PIP5K1B: variants seen among roughly 807,000 people sequenced by gnomAD.
The protein encoded by PIP5K1B is phosphatidylinositol 4-phosphate 5-kinase type-1 beta.
In PIP5K1B, 42 loss-of-function variants were observed where a neutral mutation model predicts 67.0. The observed-to-expected ratio is 0.63, with a 90% CI of 0.49 to 0.81. The LOEUF (loss-of-function observed/expected upper bound fraction) is 0.81, where lower values mean the gene tolerates loss of function less well. Ranked by LOEUF, PIP5K1B falls within the 30% of genes least tolerant of loss-of-function variation. The pLI, the probability that PIP5K1B is intolerant of heterozygous loss-of-function variation, is 0.00. For synonymous variants in PIP5K1B, 214 were observed against 231.4 expected (o/e 0.92, Z 0.68); for missense variants, 459 against 646.3 (o/e 0.71, Z 3.14).
chr9:68,758,764 C>G (rs973112277), intron 2 of PIP5K1B, among the ~76,000 whole-genome samples: 2 of 152,056 alleles, frequency 1.3e-5, no homozygotes, highest in African/African-American at 4.8e-5. Context: ...ATTCAAGAAG[C>G]TCATAAAACC....
chr9:68,770,542 G>A (rs376914420), intron 2 of PIP5K1B, among the ~76,000 whole-genome samples: 185 of 152,250 alleles, frequency 1.2e-3, no homozygotes, highest in African/African-American at 3.9e-3. Flanking sequence ...ACCAGTCTGC[G>A]GCCTGTAAGG....
At chr9:68,922,523 A>T (rs1375515743) in intron 11 of PIP5K1B, among the ~76,000 whole-genome samples, 17 of 152,204 alleles carry the variant, frequency 1.1e-4, no homozygotes, top group Non-Finnish European at 2.5e-4. Flanking sequence ...GCATTATAGA[A>T]GCAAATTTAC....
intron 2 of PIP5K1B, chr9:68,782,105 A>G (rs951591004): frequency 6.0e-6 from 1 of 167,098 alleles, no homozygotes; most frequent in African/African-American, 2.4e-5. Flanking sequence ...TTCCTTGCCA[A>G]CAGGTCCCTT....
At chr9:68,730,113 ATGT>A (rs1490510800) in intron 1 of PIP5K1B, among the ~76,000 whole-genome samples, 2 of 152,194 alleles carry the variant, frequency 1.3e-5, no homozygotes, top group African/African-American at 2.4e-5. Context: ...AAGAGACATA[ATGT>A]TGTGAAAGAC....
intron 2 of PIP5K1B, among the ~76,000 whole-genome samples, chr9:68,816,197 C>T (rs1014189919): frequency 3.9e-5 from 6 of 152,152 alleles, no homozygotes; most frequent in Admixed American, 2.6e-4. Context: ...GGCCCGATCT[C>T]GGCTCACTAC....
At chr9:68,984,159 T>G (rs997225324) in intron 14 of PIP5K1B, among the ~76,000 whole-genome samples, 1 of 152,244 alleles carries the variant, frequency 6.6e-6, no homozygotes, top group African/African-American at 2.4e-5. Flanking sequence ...ATTTTACATA[T>G]GGGAAACTGG....
At chr9:68,707,081 T>C (rs1361325581) in intron 1 of PIP5K1B, among the ~76,000 whole-genome samples, 2 of 151,734 alleles carry the variant, frequency 1.3e-5, no homozygotes, top group Non-Finnish European at 2.9e-5. Flanking sequence ...CAGTGGGAGG[T>C]TGAGTGAGTT....
intron 1 of PIP5K1B, among the ~76,000 whole-genome samples, chr9:68,731,569 CAAA>C (rs1376984168): frequency 6.6e-6 from 1 of 152,120 alleles, no homozygotes; most frequent in Non-Finnish European, 1.5e-5. Context: ...GAGGCAATCG[CAAA>C]AACAAATGTG....
chr9:68,706,833 G>C (rs1427918806), intron 1 of PIP5K1B, among the ~76,000 whole-genome samples: 2 of 151,908 alleles, frequency 1.3e-5, no homozygotes, highest in Non-Finnish European at 2.9e-5. Context: ...CTCTAATGAA[G>C]CACATTCAGC....
chr9:68,873,214 A>G (rs1385416168), intron 5 of PIP5K1B, among the ~76,000 whole-genome samples: 1 of 149,500 alleles, frequency 6.7e-6, no homozygotes, highest in Admixed American at 6.6e-5. Flanking sequence ...TGTTTGAGTC[A>G]TATCTTTTCA....
At chr9:68,817,572 G>T (rs1264839792) in intron 2 of PIP5K1B, among the ~76,000 whole-genome samples, 2 of 151,374 alleles carry the variant, frequency 1.3e-5, no homozygotes, top group Non-Finnish European at 2.9e-5. Context: ...TAGATATATA[G>T]ATTTTTAAAA....
At chr9:68,897,722 T>G (rs943389966) in intron 8 of PIP5K1B, among the ~76,000 whole-genome samples, 1 of 152,128 alleles carries the variant, frequency 6.6e-6, no homozygotes, top group African/African-American at 2.4e-5. Flanking sequence ...TCCCAGACCT[T>G]TGGACCCCAG....
chr9:68,914,062 A>G (rs1174928213), intron 8 of PIP5K1B, among the ~76,000 whole-genome samples: 3 of 152,348 alleles, frequency 2.0e-5, no homozygotes, highest in Admixed American at 1.3e-4. Context: ...CAGGAAAAAT[A>G]TAAGAAAAAG....
chr9:68,780,251 C>G, intron 2 of PIP5K1B: 2 of 1,543,142 alleles, frequency 1.3e-6, no homozygotes, highest in Non-Finnish European at 8.7e-7. Flanking sequence ...GCGGCGGCGG[C>G]GGGGGCCTCA....
At chr9:68,792,580 G>A (rs1832041302) in intron 2 of PIP5K1B, among the ~76,000 whole-genome samples, 1 of 152,030 alleles carries the variant, frequency 6.6e-6, no homozygotes, top group South Asian at 2.1e-4. Flanking sequence ...TCCAGGTTCA[G>A]CCATTCTCCT....
chr9:68,709,575 A>G (rs1207794110), intron 1 of PIP5K1B, among the ~76,000 whole-genome samples: 1 of 152,172 alleles, frequency 6.6e-6, no homozygotes, highest in Non-Finnish European at 1.5e-5. Flanking sequence ...CTTCTGGCTT[A>G]TGTGCATCAC....
At chr9:68,751,806 C>T (rs1418197514) in intron 2 of PIP5K1B, among the ~76,000 whole-genome samples, 7 of 152,134 alleles carry the variant, frequency 4.6e-5, no homozygotes. Flanking sequence ...AGTTTGGGAA[C>T]TGGTAGAAGT....
At chr9:68,844,074 T>C (rs565251810) in intron 4 of PIP5K1B, among the ~76,000 whole-genome samples, 2 of 152,352 alleles carry the variant, frequency 1.3e-5, no homozygotes, top group African/African-American at 4.8e-5. Context: ...GACTGATAAC[T>C]GATTACTTGT....
intron 4 of PIP5K1B, among the ~76,000 whole-genome samples, chr9:68,860,518 T>C (rs187344991): frequency 6.6e-6 from 1 of 152,314 alleles, no homozygotes; most frequent in East Asian, 1.9e-4. Context: ...TTTACCCTTT[T>C]TTCACCAAAA....
Sources: allele counts gnomAD v4.1 joint callset (sites outside exome capture counted in the v4.1 genomes callset), GRCh38; gene constraint gnomAD v4.1.1; transcripts MANE v1.5; gene names NCBI Gene and HGNC (gene_info 2026-07-23, HGNC 2026-07-21).